Variants in PAX1 observed in about 807,000 individuals in gnomAD.
PAX1 encodes paired box protein Pax-1.
A neutral mutation model predicts 35.6 loss-of-function variants in PAX1; 18 were observed. The observed-to-expected ratio is 0.50, with a 90% CI of 0.35 to 0.75. The LOEUF (loss-of-function observed/expected upper bound fraction) is 0.75, where lower values mean the gene tolerates loss of function less well. Among genes scored for constraint, PAX1 ranks in the 30% least tolerant of loss-of-function variants. PAX1 has a pLI of 0.01. For missense variants in PAX1, 760 were observed against 661.5 expected (o/e 1.15, Z -1.63); for synonymous variants, 397 against 305.2 (o/e 1.30, Z -3.14).
rs781430209 is a variant in PAX1, at chr20:21,709,368, G to C, written c.1206G>C (p.Ala402=). Residue 402 remains alanine, a synonymous_variant, in exon 4 of 5, where the codon GCG becomes GCC. Coordinates refer to ENST00000613128, the MANE Select transcript of PAX1 (RefSeq NM_001257096.2). ...PWPPAQGPPL[A]PPGAGVAVHG... is the part of the protein sequence containing the mutation. The stretch of plus-strand genomic sequence containing the variant: ...CGCCTGCGCAAGGTCCTCCTCTGGC[G>C]CCCCCCGGGGCCGGCGTAGCTGTGC... 1.9e-6 allele frequency: 3 copies of C among 1,571,246 alleles called. No individual in the cohort carries two copies. Among genetic ancestry groups the C allele is most frequent in the Admixed American group, 3.7e-5 (2 of 54,750 alleles).
intron 3 of PAX1, among the ~76,000 whole-genome samples, chr20:21,708,903 C>T (rs1193603485): frequency 1.3e-5 from 2 of 152,170 alleles, no homozygotes; most frequent in African/African-American, 2.4e-5. Flanking sequence ...GTTGACTTGC[C>T]TTTGCCAAGA....
At position 21,705,801 on chromosome 20, in the gene PAX1, GCAGCGCGCTCCGCTGCCGCGCA is replaced by G. The variant is rs1046501822; in HGVS notation, c.97_118del (p.Leu33SerfsTer63). 7.8e-6 allele frequency: 10 copies of G among 1,281,030 alleles called. 1 individual carries two copies. In the African/African-American group the frequency reaches 1.2e-4, roughly 16 times the overall value. 79.4% of individuals were successfully genotyped at this position (1,281,030 alleles called of 1,614,324 possible). A position where few individuals can be genotyped will look rare whatever the true frequency, so the allele number is the denominator to read the frequency against. On this transcript the variant is annotated frameshift_variant, in exon 1 of 5. Transcript: ENST00000613128. LOFTEE classifies it high-confidence loss of function. ...GCGGCGGCAGGCCCTGGAGCGGGCG[GCAGCGCGCTCCGCTGCCGCGCA>G]CAGCGCGTCTCCAGCCCGCGGCTGG... is the stretch of plus-strand genomic sequence containing the variant.
At chr20:21,711,755 G>T (rs536773991) in intron 4 of PAX1, among the ~76,000 whole-genome samples, 2 of 152,314 alleles carry the variant, frequency 1.3e-5, no homozygotes, top group South Asian at 2.1e-4. Context: ...CATAGCCTGA[G>T]AATTACATAC....
At chr20:21,708,755 G>C in intron 3 of PAX1, 55 bp downstream of exon 3, 1 of 1,579,396 alleles carries the variant, frequency 6.3e-7, no homozygotes, top group African/African-American at 1.3e-5. Flanking sequence ...GAAGGTTTGG[G>C]CAAGTGGGGA....
At chr20:21,708,381 GC>G (rs1386966405) in intron 2 of PAX1, 176 bp from the exon 3 acceptor site, 21 of 795,012 alleles carry the variant, frequency 2.6e-5, no homozygotes, top group Non-Finnish European at 4.8e-5. Context: ...CCTTTCCTCC[GC>G]CCCACCCGGA....
chr20:21,708,929 A>T (rs1985104807), intron 3 of PAX1, among the ~76,000 whole-genome samples: 1 of 152,226 alleles, frequency 6.6e-6, no homozygotes. Flanking sequence ...TAGCTAAAAA[A>T]AGCTGGAACT....
rs373203149 is a variant in PAX1 at position 21,714,380 on chromosome 20, G to C, written c.1283-91G>C. The stretch of plus-strand genomic sequence containing the variant: ...GAGCCTTCAAGGGTTGAGCGCTCAC[G>C]ACCTCGCTCTGCAGGCGTCCTGAGT... On this transcript the variant is annotated intron_variant, in intron 4 of 4. Coordinates refer to ENST00000613128, the MANE Select transcript of PAX1 (RefSeq NM_001257096.2). 5.0e-4 allele frequency: 465 copies of C among 933,472 alleles called. 8 individuals are homozygous for C. In the South Asian group the frequency reaches 7.5e-3, roughly 15 times the overall value. 57.8% of individuals were successfully genotyped at this position (933,472 alleles called of 1,614,324 possible).
Position 21,714,918 on chromosome 20 carries a change from T to C in PAX1, c.*356T>C, listed in dbSNP as rs17861063. 3,476 of 835,174 alleles carry C rather than the reference T, an allele frequency of 4.2e-3. 85 individuals are homozygous for C. The African/African-American group carries it at 0.053, about 13-fold the overall frequency. 51.7% of individuals were successfully genotyped at this position (835,174 alleles called of 1,614,324 possible). The stretch of plus-strand genomic sequence containing the variant: ...TCTCCGTCTCGCCTCTCTCCCTGTT[T>C]CCTTCCCCCCTCTTTCTTTCTCACT... On this transcript the variant is annotated 3_prime_UTR_variant, in exon 5 of 5. Coordinates refer to ENST00000613128, the MANE Select transcript of PAX1 (RefSeq NM_001257096.2).
chr20:21,712,419 C>T (rs570916801), intron 4 of PAX1, among the ~76,000 whole-genome samples: 17 of 152,274 alleles, frequency 1.1e-4, no homozygotes, highest in Non-Finnish European at 2.2e-4. Context: ...GAGAGGCTGA[C>T]ATTCTAGGAA....
chr20:21,709,632 A>C (rs978602735), intron 4 of PAX1, among the ~76,000 whole-genome samples, 188 bp downstream of exon 4: 13 of 152,228 alleles, frequency 8.5e-5, no homozygotes, highest in Admixed American at 2.0e-4. Flanking sequence ...AGGTGTCCCT[A>C]TAAAGGTACC....
chr20:21,714,753 C>T lies in PAX1; in HGVS notation c.*191C>T, dbSNP rs1370829705. On this transcript the variant is annotated 3_prime_UTR_variant, in exon 5 of 5. Coordinates refer to ENST00000613128, the MANE Select transcript of PAX1 (RefSeq NM_001257096.2). ...GCCCTGCCTCTGGCCGGACCCACCA[C>T]ACTTCCTTTATTGGTCTGGGTTTTT... The T allele has an allele frequency of 6.2e-7, 1 of 1,602,632 alleles. No homozygotes were observed. Among genetic ancestry groups the T allele is most frequent in the Non-Finnish European group, 8.5e-7 (1 of 1,179,914 alleles).
At chr20:21,713,036 A>G (rs1985247105) in intron 4 of PAX1, among the ~76,000 whole-genome samples, 1 of 152,218 alleles carries the variant, frequency 6.6e-6, no homozygotes, top group African/African-American at 2.4e-5. Flanking sequence ...ATGAGGAAGG[A>G]TGGCTTGGAC....
rs1232163644 is a variant in PAX1 at position 21,708,465 on chromosome 20, G to A, written c.917-93G>A. The A allele has an allele frequency of 2.7e-6, 4 of 1,469,636 alleles. No homozygotes were observed. In the South Asian group the frequency reaches 3.4e-5, roughly 13 times the overall value. 91.0% of individuals were successfully genotyped at this position (1,469,636 alleles called of 1,614,324 possible). ...ACCTACAAATTTTGTGGGACCCCTG[G>A]CCGTGTCTTCAGATACAAATTGGGT... is the stretch of plus-strand genomic sequence containing the variant. On this transcript the variant is annotated intron_variant, in intron 2 of 4. Transcript: ENST00000613128.
In PAX1 at chr20:21,705,985, C is replaced by T; in HGVS notation, c.273C>T (p.Gly91=). The change falls in exon 1 of 5, where the codon GGC becomes GGT. Residue 91 remains glycine (G), a synonymous_variant. Transcript: ENST00000613128. ...PGHPGARQLA[G]PLAMEQTYGE... ...ACCCCGGCGCCAGGCAGCTGGCCGGCCCGCTCGCTATGGGTAAGGGGCGGG... is the reference window on the plus strand; with the variant it reads ...ACCCCGGCGCCAGGCAGCTGGCCGGTCCGCTCGCTATGGGTAAGGGGCGGG... The T allele has an allele frequency of 1.3e-6, 2 of 1,483,626 alleles. No individual in the cohort carries two copies. The highest frequency in any genetic ancestry group is 1.8e-6 in the Non-Finnish European group (2 of 1,125,026). 91.9% of individuals were successfully genotyped at this position (1,483,626 alleles called of 1,614,324 possible).
chr20:21,718,110 T>C lies in PAX1; in HGVS notation c.*3548T>C, dbSNP rs1381193306. The C allele has an allele frequency of 6.6e-6, 1 of 152,220 alleles. No individual in the cohort carries two copies. Among genetic ancestry groups the C allele is most frequent in the African/African-American group, 2.4e-5 (1 of 41,448 alleles). 9.4% of individuals were successfully genotyped at this position (152,220 alleles called of 1,614,324 possible). ...GAGGATTTATTAAAAACAGGGTATT[T>C]GTAAAGAGGGCCAGCTTCGTGCTTT... is the stretch of plus-strand genomic sequence containing the variant. On this transcript the variant is annotated 3_prime_UTR_variant, in exon 5 of 5. Coordinates refer to ENST00000613128, the MANE Select transcript of PAX1 (RefSeq NM_001257096.2).
At chr20:21,709,509 G>A in intron 4 of PAX1, 65 bp downstream of exon 4, 1 of 1,269,488 alleles carries the variant, frequency 7.9e-7, no homozygotes, top group Non-Finnish European at 1.1e-6. Context: ...TGGGGAGCGG[G>A]TGTGAGCCTG....
At position 21,714,690 on chromosome 20, in the gene PAX1, G is replaced by T; in HGVS notation, c.*128G>T. On this transcript the variant is annotated 3_prime_UTR_variant, in exon 5 of 5. Transcript: ENST00000613128. ...ACTCGCGGAGGAGGAAGCCAGTGCC[G>T]GCCCGCGGGGTGCACGCCCAGCCAG... The T allele has an allele frequency of 6.2e-7, 1 of 1,605,744 alleles. No homozygotes were observed.
At position 21,706,306 on chromosome 20, in the gene PAX1, G is replaced by A. The variant is rs777134478; in HGVS notation, c.287-132G>A. The A allele has an allele frequency of 8.0e-7, 1 of 1,248,000 alleles. No individual in the cohort carries two copies. Among genetic ancestry groups the A allele is most frequent in the South Asian group, 1.2e-5 (1 of 82,740 alleles). 77.3% of individuals were successfully genotyped at this position (1,248,000 alleles called of 1,614,324 possible). A position where few individuals can be genotyped will look rare whatever the true frequency, so the allele number is the denominator to read the frequency against. ...CAGGCGGTTTGCCCTTGGACTCCGA[G>A]CTGTCTGGGGACCCACAGGTCACCT... On this transcript the variant is annotated intron_variant, in intron 1 of 4. Transcript: ENST00000613128. This position sits in a 1 kb window ranked among gnomAD's most constrained non-coding sequence, Gnocchi z 5.3.
In PAX1 at chr20:21,715,012, G is replaced by T; in HGVS notation, c.*450G>T. On this transcript the variant is annotated 3_prime_UTR_variant, in exon 5 of 5. Coordinates refer to ENST00000613128, the MANE Select transcript of PAX1 (RefSeq NM_001257096.2). ...CCCCGGCTTTCCCCGACCTTCCAGG[G>T]CTCCCTCTGCCCTTCCACTCTCTTT... The T allele has an allele frequency of 1.6e-6, 1 of 637,020 alleles. No homozygotes were observed. The highest frequency in any genetic ancestry group is 2.8e-6 in the Non-Finnish European group (1 of 356,428). 39.5% of individuals were successfully genotyped at this position (637,020 alleles called of 1,614,324 possible). A position where few individuals can be genotyped will look rare whatever the true frequency, so the allele number is the denominator to read the frequency against.
Sources: allele counts gnomAD v4.1 joint callset (sites outside exome capture counted in the v4.1 genomes callset), GRCh38; gene constraint gnomAD v4.1.1; non-coding constraint Gnocchi (gnomAD v3.1); transcripts MANE v1.5; gene names NCBI Gene and HGNC (gene_info 2026-07-23, HGNC 2026-07-21).